Variants in MEF2A observed in about 807,000 individuals in gnomAD.
MEF2A encodes the protein myocyte-specific enhancer factor 2A.
Under a neutral mutation model 55.8 loss-of-function variants are expected in MEF2A, and 28 were observed. That is an observed-to-expected ratio of 0.50 (90% CI 0.37 to 0.69). MEF2A has a LOEUF of 0.69. Among genes scored for constraint, MEF2A ranks in the 30% least tolerant of loss-of-function variants. The probability of loss-of-function intolerance (pLI) is 0.00; values close to 1 mark genes in which losing one functional copy is unlikely to be tolerated. For synonymous variants in MEF2A, 239 were observed against 227.1 expected, an observed-to-expected ratio of 1.05 and a Z score of -0.47; for missense variants, 528 against 626.2, an observed-to-expected ratio of 0.84 and a Z score of 1.67.
chr15:99,689,839 T>C (rs1240330882), intron 7 of MEF2A, among the ~76,000 whole-genome samples: 1 of 152,194 alleles, frequency 6.6e-6, no homozygotes, highest in East Asian at 1.9e-4. Context: ...GCTGTACAAG[T>C]ATCATTAGTC....
intron 2 of MEF2A, among the ~76,000 whole-genome samples, chr15:99,622,167 A>T (rs2041291322): frequency 6.6e-6 from 1 of 152,176 alleles, no homozygotes; most frequent in Non-Finnish European, 1.5e-5. Context: ...GAATGTTTTT[A>T]AAAATCTGGT....
chr15:99,671,386 A>G lies in MEF2A; in HGVS notation c.322A>G (p.Ser108Gly). The G allele has an allele frequency of 6.2e-7, 1 of 1,613,920 alleles. No individual in the cohort carries two copies. Among genetic ancestry groups the G allele is most frequent in the Non-Finnish European group, 8.5e-7 (1 of 1,179,782 alleles). ...TGATGCTGACGATTACTTTGAGCAC[A>G]GTCCACTCTCGGAGGACAGATTCAG... The part of the protein sequence containing the change: ...SPDADDYFEH[S>G]PLSEDRFSKL... Residue 108 changes from serine (S) to glycine (G), a missense_variant, in exon 5 of 12, where the codon AGT (serine) becomes GGT (glycine). Around this residue, in one of 2 missense-constraint regions of MEF2A, gnomAD observed 78 missense variants for 150.9 expected, o/e 0.52. Coordinates refer to ENST00000557942, the MANE Select transcript of MEF2A (RefSeq NM_001319206.4).
chr15:99,685,390 T>C (rs1310762547), intron 7 of MEF2A, among the ~76,000 whole-genome samples: 1 of 152,196 alleles, frequency 6.6e-6, no homozygotes, highest in African/African-American at 2.4e-5. Context: ...TTCATAGTTT[T>C]CCTTGTAGAA....
At chr15:99,617,545 A>C (rs990446331) in intron 2 of MEF2A, among the ~76,000 whole-genome samples, 2 of 152,186 alleles carry the variant, frequency 1.3e-5, no homozygotes, top group African/African-American at 4.8e-5. Flanking sequence ...ATCAGCTCTT[A>C]AATTATCAGC....
intron 1 of MEF2A, among the ~76,000 whole-genome samples, chr15:99,571,273 T>C (rs1962171558): frequency 6.6e-6 from 1 of 152,202 alleles, no homozygotes; most frequent in Non-Finnish European, 1.5e-5. Context: ...TTTAGTTACT[T>C]GCACTTTGTG....
intron 3 of MEF2A, among the ~76,000 whole-genome samples, chr15:99,634,944 C>G (rs1169787289): frequency 6.6e-6 from 1 of 152,102 alleles, no homozygotes; most frequent in African/African-American, 2.4e-5. Flanking sequence ...TTGTCACAAA[C>G]TAAAAGAGTA....
chr15:99,706,378 A>T (rs1017195224), intron 9 of MEF2A, among the ~76,000 whole-genome samples: 1 of 152,268 alleles, frequency 6.6e-6, no homozygotes, highest in African/African-American at 2.4e-5. Flanking sequence ...ATCATCAGGT[A>T]TTTAAAACCT....
At chr15:99,635,490 C>G (rs1488126785) in intron 3 of MEF2A, among the ~76,000 whole-genome samples, 2 of 152,090 alleles carry the variant, frequency 1.3e-5, no homozygotes, top group Non-Finnish European at 2.9e-5. Context: ...AAGAAAAATT[C>G]AGAAATCCTA....
At chr15:99,611,889 A>G (rs1281370629) in intron 2 of MEF2A, among the ~76,000 whole-genome samples, 1 of 152,186 alleles carries the variant, frequency 6.6e-6, no homozygotes, top group South Asian at 2.1e-4. Flanking sequence ...CCTTGAAAAC[A>G]TCATGTTAAG....
intron 4 of MEF2A, among the ~76,000 whole-genome samples, chr15:99,650,226 G>C (rs1402876575): frequency 6.6e-6 from 1 of 152,178 alleles, no homozygotes; most frequent in Non-Finnish European, 1.5e-5. Flanking sequence ...GAGTCATGTA[G>C]CAATGTAGTG....
chr15:99,633,929 C>T (rs1192120788), intron 3 of MEF2A, among the ~76,000 whole-genome samples: 1 of 152,170 alleles, frequency 6.6e-6, no homozygotes, highest in Non-Finnish European at 1.5e-5. Flanking sequence ...TGAGTAGTTG[C>T]CCCAGAAACT....
At chr15:99,648,385 CA>C (rs2046322630) in intron 4 of MEF2A, among the ~76,000 whole-genome samples, 1 of 152,008 alleles carries the variant, frequency 6.6e-6, no homozygotes. Context: ...ATACTTTTAC[CA>C]ACTGAAGATT....
chr15:99,647,409 A>G lies in MEF2A; in HGVS notation c.258+1645A>G, dbSNP rs565862048. Among the ~76,000 whole-genome samples the G allele has an allele frequency of 2.0e-5, 3 of 152,000 alleles. No homozygotes were observed. The East Asian group carries it at 5.8e-4, about 29-fold the overall frequency. On this transcript the variant is annotated intron_variant, in intron 4 of 11. Transcript: ENST00000557942. ...GCAAATAAGTATTCTAGCTAATTTC[A>G]TTATAGAGGCAACCACCTCCTTAAC...
intron 1 of MEF2A, among the ~76,000 whole-genome samples, chr15:99,596,048 C>T (rs543075661): frequency 2.0e-5 from 3 of 152,058 alleles, no homozygotes; most frequent in East Asian, 3.9e-4. Context: ...AAGAGCGTGT[C>T]TCATTACAGA....
intron 3 of MEF2A, among the ~76,000 whole-genome samples, chr15:99,639,694 A>G (rs62040142): frequency 0.34 from 51,640 of 152,114 alleles, 10,839 homozygotes; most frequent in Middle Eastern, 0.49. Context: ...AGTTTGTATG[A>G]TAATTCCTAT....
intron 1 of MEF2A, among the ~76,000 whole-genome samples, chr15:99,586,312 C>A (rs1406235761): frequency 6.6e-6 from 1 of 152,086 alleles, no homozygotes; most frequent in Non-Finnish European, 1.5e-5. Context: ...AATGAGAGTT[C>A]CAGTTTCTCC....
rs762826611 is a variant in MEF2A at position 99,671,390 on chromosome 15, C to T, written c.326C>T (p.Pro109Leu). Residue 109 changes from proline (P) to leucine (L), a missense_variant, in exon 5 of 12, where the codon CCA becomes CTA. Around this residue, in one of 2 missense-constraint regions of MEF2A, gnomAD observed 78 missense variants for 150.9 expected, o/e 0.52. Transcript: ENST00000557942. ...PDADDYFEHS[P>L]LSEDRFSKLN... is the part of the protein sequence containing the mutation. The stretch of plus-strand genomic sequence containing the variant: ...GCTGACGATTACTTTGAGCACAGTC[C>T]ACTCTCGGAGGACAGATTCAGCAAA... 1 of 1,613,664 alleles carries T rather than the reference C, an allele frequency of 6.2e-7. No homozygotes were observed. Among genetic ancestry groups the T allele is most frequent in the East Asian group, 2.2e-5 (1 of 44,892 alleles).
chr15:99,693,049 TC>T (rs1268226088), intron 8 of MEF2A, among the ~76,000 whole-genome samples: 8 of 151,922 alleles, frequency 5.3e-5, no homozygotes, highest in African/African-American at 1.9e-4. Flanking sequence ...GGCATGCAGA[TC>T]CCCACCCCCA....
At chr15:99,655,786 A>G (rs542534300) in intron 4 of MEF2A, among the ~76,000 whole-genome samples, 3 of 152,148 alleles carry the variant, frequency 2.0e-5, no homozygotes, top group Non-Finnish European at 4.4e-5. Flanking sequence ...GAAAATTTGC[A>G]TAATTGTAAA....
Sources: gnomAD v4.1 joint callset for allele counts (sites outside exome capture counted in the v4.1 genomes callset) on GRCh38, gnomAD v4.1.1 for gene constraint, gnomAD v4.1.1 regional missense constraint, MANE v1.5 for transcripts, NCBI Gene and HGNC (gene_info 2026-07-23, HGNC 2026-07-21) for gene names.